CCSER1: variants seen among roughly 807,000 people sequenced by gnomAD.
The protein encoded by CCSER1 is serine-rich coiled-coil domain-containing protein 1.
Under a neutral mutation model 82.0 loss-of-function variants are expected in CCSER1, and 41 were observed. The ratio of observed to expected loss-of-function variants is 0.50; its 90% confidence interval spans 0.39 to 0.65. CCSER1 has a LOEUF of 0.65. Ranked by LOEUF, CCSER1 falls within the 30% of genes least tolerant of loss-of-function variation. CCSER1 has a pLI of 0.00. For synonymous variants in CCSER1, 414 were observed against 383.9 expected (o/e 1.08, Z -0.92); for missense variants, 1,119 against 1,064.2 (o/e 1.05, Z -0.72).
chr4:91,565,564 C>T (rs1263873790), intron 10 of CCSER1, among the ~76,000 whole-genome samples: 1 of 151,836 alleles, frequency 6.6e-6, no homozygotes, highest in Non-Finnish European at 1.5e-5. Flanking sequence ...TTTGTATCTT[C>T]TCTGATTTCT....
intron 10 of CCSER1, among the ~76,000 whole-genome samples, chr4:91,335,121 A>T (rs1747230970): frequency 6.6e-6 from 1 of 152,056 alleles, no homozygotes; most frequent in Admixed American, 6.6e-5. Context: ...TGGAGCCTGG[A>T]TTCTCCAGGC....
rs137975925 is a variant in CCSER1, at chr4:90,591,723, A to G, written c.1725-36302A>G. On this transcript the variant is annotated intron_variant, in intron 5 of 10. Coordinates refer to ENST00000509176, the MANE Select transcript of CCSER1 (RefSeq NM_001145065.2). ...GGTTATAAATCATTCTACTATAAAGACACATGAACGTGTATGTTTATTGGA... is the reference window on the plus strand; with the variant it reads ...GGTTATAAATCATTCTACTATAAAGGCACATGAACGTGTATGTTTATTGGA... Among the ~76,000 whole-genome samples the G allele has an allele frequency of 7.9e-5, 12 of 152,322 alleles. No individual in the cohort carries two copies. In the East Asian group the frequency reaches 2.1e-3, roughly 27 times the overall value.
chr4:90,172,293 G>A (rs1204096913), intron 1 of CCSER1, among the ~76,000 whole-genome samples: 1 of 151,806 alleles, frequency 6.6e-6, no homozygotes, highest in African/African-American at 2.4e-5. Flanking sequence ...ATCAGAATAG[G>A]ATAAAGATAT....
intron 9 of CCSER1, among the ~76,000 whole-genome samples, chr4:91,019,342 C>G (rs1052721491): frequency 6.6e-6 from 1 of 151,806 alleles, no homozygotes; most frequent in African/African-American, 2.4e-5. Flanking sequence ...CTATGTAAAG[C>G]TATTTAGAAT....
At chr4:91,594,004 C>T (rs1418752803) in intron 10 of CCSER1, among the ~76,000 whole-genome samples, 1 of 151,964 alleles carries the variant, frequency 6.6e-6, no homozygotes, top group Non-Finnish European at 1.5e-5. Flanking sequence ...TGTGCACAGT[C>T]GACTGATTAA....
chr4:90,837,142 T>A (rs969504003), intron 8 of CCSER1, among the ~76,000 whole-genome samples: 1 of 152,206 alleles, frequency 6.6e-6, no homozygotes, highest in Non-Finnish European at 1.5e-5. Flanking sequence ...ATGACTCACA[T>A]TCAGTTAACC....
chr4:90,980,763 C>G (rs556505365), intron 9 of CCSER1, among the ~76,000 whole-genome samples: 1 of 151,596 alleles, frequency 6.6e-6, no homozygotes, highest in Non-Finnish European at 1.5e-5. Flanking sequence ...AGGAATGCCA[C>G]GATGAAGGCC....
intron 10 of CCSER1, among the ~76,000 whole-genome samples, chr4:91,395,040 T>C (rs953127835): frequency 6.6e-6 from 1 of 152,094 alleles, no homozygotes; most frequent in Non-Finnish European, 1.5e-5. Flanking sequence ...ATTCTTGATC[T>C]TGTGATTAAG....
At chr4:90,708,301 C>T (rs1739788067) in intron 6 of CCSER1, among the ~76,000 whole-genome samples, 1 of 152,198 alleles carries the variant, frequency 6.6e-6, no homozygotes, top group Admixed American at 6.5e-5. Flanking sequence ...CAGACCTTAG[C>T]AGTAAAAAGC....
intron 1 of CCSER1, among the ~76,000 whole-genome samples, chr4:90,174,658 CAT>C (rs1228498116): frequency 6.6e-6 from 1 of 151,882 alleles, no homozygotes; most frequent in Non-Finnish European, 1.5e-5. Context: ...AGAATGCTGA[CAT>C]GTGCAGAGGA....
rs979361020 is a variant in CCSER1 at position 90,308,239 on chromosome 4, C to T, written c.-41-5C>T. 2 of 1,471,916 alleles carry T rather than the reference C, an allele frequency of 1.4e-6. No individual in the cohort carries two copies. The highest frequency in any genetic ancestry group is 2.7e-5 in the Admixed American group (1 of 37,064). The allele number at this position is 1,471,916 out of a possible 1,614,324, so 91.2% of individuals were successfully genotyped here. A position where few individuals can be genotyped will look rare whatever the true frequency, so the allele number is the denominator to read the frequency against. On this transcript the variant is annotated splice_polypyrimidine_tract_variant and splice_region_variant and intron_variant, in intron 1 of 10. Transcript: ENST00000509176. Reference sequence around the variant, plus strand: ...ACTTGTTGTTTTTGTTTTAACCTTTCTCAGGCTGCAAAGTTGGCTTTCACA... The same window carrying T: ...ACTTGTTGTTTTTGTTTTAACCTTTTTCAGGCTGCAAAGTTGGCTTTCACA...
chr4:90,590,267 G>A (rs1307828610), intron 5 of CCSER1, among the ~76,000 whole-genome samples: 1 of 152,020 alleles, frequency 6.6e-6, no homozygotes, highest in Non-Finnish European at 1.5e-5. Flanking sequence ...GGGTGACAGA[G>A]TGAGACTCTG....
intron 1 of CCSER1, among the ~76,000 whole-genome samples, chr4:90,304,035 A>C (rs866899644): frequency 1.1e-4 from 17 of 152,326 alleles, no homozygotes; most frequent in East Asian, 3.9e-4. Context: ...CAGCCAAAAA[A>C]CACATGAAAA....
intron 6 of CCSER1, among the ~76,000 whole-genome samples, chr4:90,639,944 T>G (rs1458396474): frequency 2.6e-5 from 4 of 152,010 alleles, no homozygotes; most frequent in African/African-American, 9.7e-5. Context: ...AAAACCAGAT[T>G]AGGATGTGCC....
chr4:91,400,676 A>C (rs950402835), intron 10 of CCSER1, among the ~76,000 whole-genome samples: 1 of 151,604 alleles, frequency 6.6e-6, no homozygotes, highest in South Asian at 2.1e-4. Context: ...ACTGCAAGGC[A>C]TGTGATTATA....
chr4:90,634,308 G>T (rs951080741), intron 6 of CCSER1, among the ~76,000 whole-genome samples: 1 of 151,520 alleles, frequency 6.6e-6, no homozygotes, highest in Non-Finnish European at 1.5e-5. Context: ...CAAAAGACCC[G>T]CCATTGATTA....
At chr4:91,370,484 C>T (rs1434524587) in intron 10 of CCSER1, among the ~76,000 whole-genome samples, 3 of 152,048 alleles carry the variant, frequency 2.0e-5, no homozygotes, top group Non-Finnish European at 4.4e-5. Context: ...ATCATGAGGT[C>T]AGGAGTTCAA....
At chr4:90,871,641 C>T (rs973743325) in intron 8 of CCSER1, among the ~76,000 whole-genome samples, 2 of 151,902 alleles carry the variant, frequency 1.3e-5, no homozygotes, top group Non-Finnish European at 1.5e-5. Context: ...TATTCTGCAA[C>T]CATTGGATGA....
intron 10 of CCSER1, among the ~76,000 whole-genome samples, chr4:91,594,410 C>CATATAT (rs1764443519): frequency 1.7e-5 from 2 of 119,084 alleles, no homozygotes; most frequent in Non-Finnish European, 3.8e-5. Context: ...CACATATATA[C>CATATAT]ACATATATAT....
Sources: gnomAD v4.1 joint callset for allele counts (sites outside exome capture counted in the v4.1 genomes callset) on GRCh38, gnomAD v4.1.1 for gene constraint, MANE v1.5 for transcripts, NCBI Gene and HGNC (gene_info 2026-07-23, HGNC 2026-07-21) for gene names.